Variants in ST7 observed in about 807,000 individuals in gnomAD.
ST7 encodes suppression of tumorigenicity 7.
Under a neutral mutation model 78.7 loss-of-function variants are expected in ST7, and 28 were observed. The ratio of observed to expected loss-of-function variants is 0.36; its 90% confidence interval spans 0.26 to 0.49. The LOEUF is 0.49. Ranked by LOEUF, ST7 falls within the 20% of genes least tolerant of loss-of-function variation. The pLI, the probability that ST7 is intolerant of heterozygous loss-of-function variation, is 0.99. For missense variants in ST7, 418 were observed against 696.0 expected (o/e 0.60, Z 4.49); for synonymous variants, 247 against 249.6 (o/e 0.99, Z 0.10).
rs1804401043 is a variant in ST7, at chr7:117,132,048, A to G, written c.641+88A>G. 2.3e-6 allele frequency: 3 copies of G among 1,300,336 alleles called. No homozygotes were observed. In the South Asian group the frequency reaches 3.9e-5, roughly 17 times the overall value. 80.5% of individuals were successfully genotyped at this position (1,300,336 alleles called of 1,614,324 possible). ...TGCCATTGATAGGATACTTAAATTAAACTGCATTTGAACTGGAGGATTATT... is the reference window on the plus strand; with the variant it reads ...TGCCATTGATAGGATACTTAAATTAGACTGCATTTGAACTGGAGGATTATT... On this transcript the variant is annotated intron_variant, in intron 6 of 15. Transcript: ENST00000323984.
chr7:117,222,899 G>C, intron 15 of ST7: 1 of 1,614,138 alleles, frequency 6.2e-7, no homozygotes, highest in East Asian at 2.2e-5. Flanking sequence ...TCAGGGACTG[G>C]AATTGCAAGA....
At chr7:117,046,371 G>T (rs1448385888) in intron 1 of ST7, among the ~76,000 whole-genome samples, 1 of 152,130 alleles carries the variant, frequency 6.6e-6, no homozygotes, top group Non-Finnish European at 1.5e-5. Flanking sequence ...CCATATGCTT[G>T]CAGTTTCACA....
intron 9 of ST7, among the ~76,000 whole-genome samples, chr7:117,156,468 T>C (rs1436335844): frequency 1.3e-5 from 2 of 152,216 alleles, no homozygotes; most frequent in Non-Finnish European, 2.9e-5. Flanking sequence ...ATACCTATTA[T>C]AGCTCCAGGT....
intron 9 of ST7, chr7:117,145,521 C>T (rs181447194): frequency 6.6e-6 from 1 of 152,310 alleles, no homozygotes; most frequent in Admixed American, 6.5e-5. Context: ...CTCTGACATT[C>T]CCTTGTAGCT....
chr7:117,026,616 T>G (rs1391923354), intron 1 of ST7, among the ~76,000 whole-genome samples: 1 of 152,224 alleles, frequency 6.6e-6, no homozygotes, highest in Non-Finnish European at 1.5e-5. Context: ...AGCAACTAAT[T>G]GCAGAGACTC....
At chr7:117,204,441 A>G (rs1399664220) in intron 12 of ST7, among the ~76,000 whole-genome samples, 1 of 152,218 alleles carries the variant, frequency 6.6e-6, no homozygotes, top group East Asian at 1.9e-4. Context: ...GCTAAACAGT[A>G]GAGCCAGGAT....
At chr7:117,091,329 T>C (rs921612334) in intron 1 of ST7, among the ~76,000 whole-genome samples, 2 of 152,198 alleles carry the variant, frequency 1.3e-5, no homozygotes, top group African/African-American at 4.8e-5. Context: ...TTTTAATCCT[T>C]GATCGAACTG....
intron 1 of ST7, among the ~76,000 whole-genome samples, chr7:117,043,708 A>C (rs1373213800): frequency 6.6e-6 from 1 of 152,204 alleles, no homozygotes; most frequent in Non-Finnish European, 1.5e-5. Context: ...TATTCATTGC[A>C]ATCCCTCAGA....
At chr7:117,119,024 A>G (rs1282787237) in intron 2 of ST7, among the ~76,000 whole-genome samples, 1 of 152,150 alleles carries the variant, frequency 6.6e-6, no homozygotes. Flanking sequence ...CATGTGGGAA[A>G]CGGGATACAG....
chr7:117,026,486 A>C (rs1299029544), intron 1 of ST7, among the ~76,000 whole-genome samples: 2 of 152,236 alleles, frequency 1.3e-5, no homozygotes, highest in Non-Finnish European at 2.9e-5. Context: ...AGAATAGTAA[A>C]TAATAAGATT....
At chr7:116,993,007 C>T (rs1794495955) in intron 1 of ST7, among the ~76,000 whole-genome samples, 1 of 152,206 alleles carries the variant, frequency 6.6e-6, no homozygotes, top group Admixed American at 6.5e-5. Context: ...TGACCTCAGT[C>T]TGGACTTTAT....
intron 3 of ST7, among the ~76,000 whole-genome samples, chr7:117,124,868 C>T (rs186146156): frequency 5.5e-4 from 84 of 152,264 alleles, no homozygotes; most frequent in Non-Finnish European, 9.4e-4. Context: ...TCTACAAATA[C>T]GACTGTGGAG....
intron 1 of ST7, among the ~76,000 whole-genome samples, chr7:116,998,500 G>A (rs1323577603): frequency 2.0e-5 from 3 of 152,258 alleles, no homozygotes; most frequent in Admixed American, 2.0e-4. Context: ...GGGCACCAAG[G>A]CCGAGGAGGT....
chr7:117,214,977 T>C (rs7808746), intron 13 of ST7, among the ~76,000 whole-genome samples: 10,054 of 145,210 alleles, frequency 0.069, 1,043 homozygotes, highest in African/African-American at 0.22. Context: ...AAGCAAAAAA[T>C]ACACACACAC....
At chr7:117,216,114 G>T (rs987415523) in intron 13 of ST7, among the ~76,000 whole-genome samples, 1 of 152,070 alleles carries the variant, frequency 6.6e-6, no homozygotes, top group Non-Finnish European at 1.5e-5. Context: ...TCTCTGACGG[G>T]AACAGCACTG....
intron 9 of ST7, among the ~76,000 whole-genome samples, chr7:117,158,904 G>T (rs1340416714): frequency 1.3e-5 from 2 of 152,104 alleles, no homozygotes; most frequent in Admixed American, 6.6e-5. Context: ...AATAGTATCT[G>T]CTCTTTGAAT....
chr7:116,979,276 A>G (rs928502534), intron 1 of ST7, among the ~76,000 whole-genome samples: 1 of 152,168 alleles, frequency 6.6e-6, no homozygotes, highest in Admixed American at 6.5e-5. Flanking sequence ...AGCAGAAGAC[A>G]TTTTCTCTGA....
chr7:116,959,104 T>C, intron 1 of ST7: 2 of 449,892 alleles, frequency 4.4e-6, no homozygotes, highest in Non-Finnish European at 8.9e-6. Context: ...TGCCACGGCT[T>C]TATCAATGAA....
chr7:117,122,536 A>G (rs550945266), intron 3 of ST7, among the ~76,000 whole-genome samples: 3 of 152,320 alleles, frequency 2.0e-5, no homozygotes, highest in African/African-American at 7.2e-5. Context: ...ATTTAATATT[A>G]ACATCTACTA....
Sources: gnomAD v4.1 joint callset for allele counts (sites outside exome capture counted in the v4.1 genomes callset) on GRCh38, gnomAD v4.1.1 for gene constraint, MANE v1.5 for transcripts, NCBI Gene and HGNC (gene_info 2026-07-23, HGNC 2026-07-21) for gene names.